Variants in AKAP12 observed in about 807,000 individuals in gnomAD.
The protein encoded by AKAP12 is A-kinase anchoring protein 12, also known as A-kinase anchor protein 12.
AKAP12 carries 32 observed loss-of-function variants against 79.9 expected under a neutral mutation model. The ratio of observed to expected loss-of-function variants is 0.40; its 90% CI spans 0.30 to 0.54. The LOEUF is 0.54. AKAP12 is among the 20% of genes least tolerant of loss of function. The probability of loss-of-function intolerance (pLI) is 0.48; values close to 1 mark genes in which losing one functional copy is unlikely to be tolerated. For synonymous variants in AKAP12, 808 were observed against 857.0 expected, an observed-to-expected ratio of 0.94 and a Z score of 1.00; for missense variants, 2,074 against 2,177.0, an observed-to-expected ratio of 0.95 and a Z score of 0.94.
At chr6:151,326,806 T>G (rs558572315) in intron 3 of AKAP12, among the ~76,000 whole-genome samples, 380 of 106,538 alleles carry the variant, frequency 3.6e-3, no homozygotes, top group Non-Finnish European at 4.7e-3. Flanking sequence ...AAATCTTTTT[T>G]TTTGTTTGTT....
At chr6:151,317,503 G>A (rs368482249) in intron 3 of AKAP12, among the ~76,000 whole-genome samples, 11 of 152,290 alleles carry the variant, frequency 7.2e-5, no homozygotes, top group East Asian at 3.9e-4. Flanking sequence ...ACAGGAATGT[G>A]CTTGATGGAA....
At chr6:151,325,771 C>G in intron 3 of AKAP12, 1 of 1,608,244 alleles carries the variant, frequency 6.2e-7, no homozygotes, top group Non-Finnish European at 8.5e-7. Context: ...GCCGAAACCA[C>G]CTGCGGTTGG....
chr6:151,284,518 C>T (rs1054253003), intron 2 of AKAP12, among the ~76,000 whole-genome samples: 2 of 152,138 alleles, frequency 1.3e-5, no homozygotes. Flanking sequence ...GTCCCAGCTA[C>T]TTGGGGGGCT....
rs1582901837 is a variant in AKAP12 at position 151,350,579 on chromosome 6, G to T, written c.2188G>T (p.Ala730Ser). Residue 730 changes from alanine (A) to serine (S), a missense_variant, in exon 4 of 5, where the codon GCT becomes TCT. Transcript: ENST00000402676. The surrounding 1 kb of genome is among the most constrained non-coding windows in gnomAD (Gnocchi z 4.8). ...DKETGTDGILAGSQEHDPGQG... is the reference protein window; with the variant it reads ...DKETGTDGILSGSQEHDPGQG... ...AGAGACGGGGACAGACGGGATCCTT[G>T]CTGGTTCCCAAGAACATGATCCAGG... The T allele has an allele frequency of 6.2e-7, 1 of 1,614,022 alleles. No individual in the cohort carries two copies. Among genetic ancestry groups the T allele is most frequent in the South Asian group, 1.1e-5 (1 of 91,080 alleles).
chr6:151,305,807 A>T lies in AKAP12; in HGVS notation c.223A>T (p.Ser75Cys). 6.2e-7 allele frequency: 1 copy of T among 1,614,118 alleles called. No individual in the cohort carries two copies. The highest frequency in any genetic ancestry group is 1.1e-5 in the South Asian group (1 of 91,062). Residue 75 changes from serine to cysteine, a missense_variant, in exon 3 of 5, where the codon AGC becomes TGC. Physicochemically the swap from Ser to Cys is moderately radical, Grantham distance 112 (BLOSUM62 -1). Transcript: ENST00000402676. ...TGGCGTAGCTGAGCAAGATGAGCTC[A>T]GCCTCCAGGAGGGTGACCTAAATGG... ...INGVAEQDEL[S>C]LQEGDLNGQK...
chr6:151,333,511 G>A (rs2114797214), intron 3 of AKAP12, among the ~76,000 whole-genome samples: 1 of 152,296 alleles, frequency 6.6e-6, no homozygotes, highest in East Asian at 1.9e-4. Context: ...AGCACTTTGG[G>A]AGGCCGACAT....
At chr6:151,306,534 T>C (rs2114757660) in intron 3 of AKAP12, among the ~76,000 whole-genome samples, 1 of 152,314 alleles carries the variant, frequency 6.6e-6, no homozygotes, top group Middle Eastern at 3.4e-3. Flanking sequence ...CATTTAATTA[T>C]AAATAAAGGG....
chr6:151,327,541 G>T (rs543684162), intron 3 of AKAP12, among the ~76,000 whole-genome samples: 33 of 152,180 alleles, frequency 2.2e-4, no homozygotes, highest in Non-Finnish European at 4.3e-4. Flanking sequence ...TACTTTTTGG[G>T]TACAATATGA....
intron 3 of AKAP12, among the ~76,000 whole-genome samples, chr6:151,311,462 C>CTCCCGG (rs1562732959): frequency 6.6e-6 from 1 of 152,200 alleles, no homozygotes; most frequent in Non-Finnish European, 1.5e-5. Flanking sequence ...ATAGAGGCGG[C>CTCCCGG]TCCCGGTGTG....
At chr6:151,278,793 G>A (rs2745464) in intron 2 of AKAP12, among the ~76,000 whole-genome samples, 6,772 of 151,720 alleles carry the variant, frequency 0.045, 238 homozygotes, top group East Asian at 0.14. Context: ...TCAGCCTCCC[G>A]AGTAGCTGGG....
At chr6:151,270,310 G>A (rs949809450) in intron 2 of AKAP12, among the ~76,000 whole-genome samples, 29 of 152,248 alleles carry the variant, frequency 1.9e-4, no homozygotes, top group African/African-American at 2.9e-4. Flanking sequence ...TGCCCGCCTC[G>A]GCCTCCCAAA....
chr6:151,346,424 G>A (rs569398596), intron 3 of AKAP12, among the ~76,000 whole-genome samples: 1 of 151,728 alleles, frequency 6.6e-6, no homozygotes, highest in East Asian at 1.9e-4. Context: ...TGTTTCTGCT[G>A]GATTTTCATC....
At chr6:151,294,247 C>T (rs541931487) in intron 2 of AKAP12, among the ~76,000 whole-genome samples, 1 of 152,196 alleles carries the variant, frequency 6.6e-6, no homozygotes, top group South Asian at 2.1e-4. Flanking sequence ...GCTGGGATTA[C>T]AGGCGTGAGC....
chr6:151,350,090 G>C lies in AKAP12; in HGVS notation c.1699G>C (p.Ala567Pro), dbSNP rs1197487682. ...SQEEQKGESS[A>P]SSPEEPEEIT... The stretch of plus-strand genomic sequence containing the variant: ...GGAGGAGCAAAAGGGCGAGAGCTCT[G>C]CCTCATCCCCTGAGGAGCCCGAGGA... Residue 567 changes from alanine to proline, a missense_variant, in exon 4 of 5, where the codon GCC becomes CCC. By Grantham distance (27) the Ala-to-Pro change is conservative (BLOSUM62 -1). Transcript: ENST00000402676. This position sits in a 1 kb window ranked among gnomAD's most constrained non-coding sequence, Gnocchi z 4.8. 3.1e-6 allele frequency: 5 copies of C among 1,614,118 alleles called. 1 individual carries two copies. Among genetic ancestry groups the C allele is most frequent in the Non-Finnish European group, 2.5e-6 (3 of 1,180,014 alleles).
intron 3 of AKAP12, among the ~76,000 whole-genome samples, chr6:151,337,524 A>AAAAAAAAAAAAG (rs535027217): frequency 8.5e-5 from 11 of 129,802 alleles, no homozygotes; most frequent in African/African-American, 2.4e-4. Context: ...AAAAAAAAAA[A>AAAAAAAAAAAAG]AAAGAAAGAA....
chr6:151,353,966 G>A (rs1173687276), intron 4 of AKAP12, among the ~76,000 whole-genome samples: 1 of 152,028 alleles, frequency 6.6e-6, no homozygotes, highest in Non-Finnish European at 1.5e-5. Flanking sequence ...TGAAAAGAAC[G>A]ACTTCGTTTT....
chr6:151,276,436 A>G (rs777435577), intron 2 of AKAP12, among the ~76,000 whole-genome samples: 1 of 152,282 alleles, frequency 6.6e-6, no homozygotes, highest in African/African-American at 2.4e-5. Flanking sequence ...ATTCAGTTGC[A>G]TCAGACATTT....
chr6:151,254,459 C>G (rs1415781491), intron 2 of AKAP12, among the ~76,000 whole-genome samples: 1 of 152,004 alleles, frequency 6.6e-6, no homozygotes, highest in African/African-American at 2.4e-5. Flanking sequence ...TCAAGAGATT[C>G]TCCTGCCTCA....
At chr6:151,317,479 T>C (rs963057202) in intron 3 of AKAP12, among the ~76,000 whole-genome samples, 7 of 152,170 alleles carry the variant, frequency 4.6e-5, no homozygotes, top group Non-Finnish European at 7.4e-5. Context: ...CTCCAGGGCT[T>C]ATATATATTT....
Sources: allele counts gnomAD v4.1 joint callset (sites outside exome capture counted in the v4.1 genomes callset), GRCh38; gene constraint gnomAD v4.1.1; non-coding constraint Gnocchi (gnomAD v3.1); transcripts MANE v1.5; gene names NCBI Gene and HGNC (gene_info 2026-07-23, HGNC 2026-07-21).